The following DPYD variants were observed in gnomAD, a reference collection of about 807,000 sequenced individuals.
DPYD encodes dihydropyrimidine dehydrogenase [NADP(+)].
In DPYD, 109 loss-of-function variants were observed where a neutral mutation model predicts 116.2. That is an observed-to-expected ratio of 0.94 (90% confidence interval 0.80 to 1.10). The LOEUF (loss-of-function observed/expected upper bound fraction) is 1.10. Ranked by LOEUF, DPYD falls within the 50% of genes least tolerant of loss-of-function variation. The probability of loss-of-function intolerance (pLI) is 0.00; values close to 1 mark genes in which losing one functional copy is unlikely to be tolerated. For synonymous variants in DPYD, 440 were observed against 432.0 expected, an observed-to-expected ratio of 1.02 and a Z score of -0.23; for missense variants, 1,302 against 1,254.5, an observed-to-expected ratio of 1.04 and a Z score of -0.57.
intron 13 of DPYD, among the ~76,000 whole-genome samples, chr1:97,498,596 A>C (rs1422330227): frequency 1.3e-5 from 2 of 151,366 alleles, no homozygotes; most frequent in African/African-American, 4.8e-5. Flanking sequence ...TACAGAATTC[A>C]CTCTTGTGAT....
chr1:97,826,391 T>C (rs1288543945), intron 3 of DPYD, among the ~76,000 whole-genome samples: 1 of 140,914 alleles, frequency 7.1e-6, no homozygotes, highest in Non-Finnish European at 1.5e-5. Context: ...TCACATCATT[T>C]TTCATTCACA....
At chr1:97,760,970 G>A (rs541760354) in intron 3 of DPYD, among the ~76,000 whole-genome samples, 101 of 152,200 alleles carry the variant, frequency 6.6e-4, no homozygotes, top group African/African-American at 2.0e-3. Context: ...ATATAAAACC[G>A]TATGCCAAAG....
chr1:97,551,146 G>C (rs2102091154), intron 11 of DPYD, among the ~76,000 whole-genome samples: 1 of 152,208 alleles, frequency 6.6e-6, no homozygotes, highest in African/African-American at 2.4e-5. Flanking sequence ...TCATACTCAG[G>C]TTTTTATTTT....
intron 1 of DPYD, among the ~76,000 whole-genome samples, chr1:97,913,303 G>C (rs1300924452): frequency 6.6e-6 from 1 of 152,172 alleles, no homozygotes; most frequent in East Asian, 1.9e-4. Context: ...ATCCTACCAA[G>C]TATGTAAATC....
chr1:97,640,475 A>AT (rs1657825080), intron 8 of DPYD, among the ~76,000 whole-genome samples: 1 of 151,934 alleles, frequency 6.6e-6, no homozygotes, highest in South Asian at 2.1e-4. Flanking sequence ...TGACCAGCTA[A>AT]TTTTTGTATT....
intron 8 of DPYD, among the ~76,000 whole-genome samples, chr1:97,644,463 C>T (rs1182284179): frequency 2.6e-5 from 4 of 152,168 alleles, no homozygotes; most frequent in Middle Eastern, 3.4e-3. Flanking sequence ...GAGTCTCCAT[C>T]TATTGCCCTG....
chr1:97,193,094 GGAAC>G lies in DPYD; in HGVS notation c.2593_2596del (p.Val865HisfsTer3). On this transcript the variant is annotated frameshift_variant, in exon 20 of 23. Transcript: ENST00000370192. LOFTEE classifies it high-confidence loss of function. ...CTTGTCCATGAGTTCAGCTATACGT[GGAAC>G]TGGTTTCCCTTTCTGGTGACTCACA... 1 of 1,614,014 alleles carries G rather than the reference GGAAC, an allele frequency of 6.2e-7. No homozygotes were observed. Among genetic ancestry groups the G allele is most frequent in the Middle Eastern group, 1.7e-4 (1 of 6,058 alleles).
chr1:97,309,087 C>G (rs1248686537), intron 16 of DPYD, among the ~76,000 whole-genome samples: 1 of 151,736 alleles, frequency 6.6e-6, no homozygotes, highest in Non-Finnish European at 1.5e-5. Context: ...AAGAAAAACC[C>G]AGCTATATTT....
In DPYD at chr1:97,305,355, T is replaced by C; in HGVS notation, c.2203A>G (p.Thr735Ala). Reference protein sequence around the residue: ...KEGGANGVTATNTVSGLMGLK... With the variant: ...KEGGANGVTAANTVSGLMGLK... The stretch of plus-strand genomic sequence containing the variant: ...CCCATCAGACCTGAGACAGTGTTGG[T>C]GGCTGTAACGCCATTGGCACCACCT... The change falls in exon 18 of 23, where the codon ACC becomes GCC. Residue 735 changes from threonine to alanine, a missense_variant. Coordinates refer to ENST00000370192, the MANE Select transcript of DPYD (RefSeq NM_000110.4). The C allele has an allele frequency of 6.2e-7, 1 of 1,612,464 alleles. No homozygotes were observed. Among genetic ancestry groups the C allele is most frequent in the Non-Finnish European group, 8.5e-7 (1 of 1,178,906 alleles).
Position 97,531,971 on chromosome 1 carries a change from T to C in DPYD, c.1525-16030A>G, listed in dbSNP as rs181954101. On this transcript the variant is annotated intron_variant, in intron 12 of 22. Transcript: ENST00000370192. The stretch of plus-strand genomic sequence containing the variant: ...GCTTTTTGTATGTTGATTTGAATCC[T>C]GCAACTTTACTGAATTTGTTTATTA... Among the ~76,000 whole-genome samples the C allele has an allele frequency of 2.6e-5, 4 of 152,268 alleles. No homozygotes were observed. In the East Asian group the frequency reaches 7.7e-4, roughly 29 times the overall value.
intron 1 of DPYD, among the ~76,000 whole-genome samples, chr1:97,884,772 C>T (rs1276065159): frequency 2.0e-5 from 3 of 151,858 alleles, no homozygotes; most frequent in South Asian, 2.1e-4. Context: ...TGTTGAGTTG[C>T]GGGATTCCTG....
At chr1:97,651,916 A>G (rs1011364857) in intron 8 of DPYD, among the ~76,000 whole-genome samples, 1 of 152,168 alleles carries the variant, frequency 6.6e-6, no homozygotes, top group Non-Finnish European at 1.5e-5. Context: ...AGCTATTAAA[A>G]TCATTTCAGA....
At chr1:97,355,719 T>C (rs926804668) in intron 16 of DPYD, among the ~76,000 whole-genome samples, 2 of 152,200 alleles carry the variant, frequency 1.3e-5, no homozygotes, top group African/African-American at 4.8e-5. Context: ...CGTAACATGT[T>C]CTCTAGTTCC....
intron 20 of DPYD, among the ~76,000 whole-genome samples, chr1:97,173,151 C>T (rs1557911010): frequency 6.6e-6 from 1 of 151,300 alleles, no homozygotes; most frequent in East Asian, 2.0e-4. Context: ...TATATATACA[C>T]ATATGTACGT....
chr1:97,223,131 A>C (rs1660886325), intron 19 of DPYD, among the ~76,000 whole-genome samples: 1 of 152,090 alleles, frequency 6.6e-6, no homozygotes, highest in Non-Finnish European at 1.5e-5. Context: ...GTGCTGCTTC[A>C]ATTACTTCTT....
intron 20 of DPYD, among the ~76,000 whole-genome samples, chr1:97,191,569 T>C (rs964147674): frequency 6.6e-6 from 1 of 152,220 alleles, no homozygotes; most frequent in African/African-American, 2.4e-5. Flanking sequence ...ATTTATGTCA[T>C]TGACACAAGT....
intron 20 of DPYD, among the ~76,000 whole-genome samples, chr1:97,146,376 A>G (rs1056228329): frequency 5.9e-5 from 9 of 152,214 alleles, no homozygotes; most frequent in African/African-American, 1.9e-4. Flanking sequence ...CACAAAAAGC[A>G]AGACTGTCAG....
intron 18 of DPYD, among the ~76,000 whole-genome samples, chr1:97,255,796 C>T (rs946504735): frequency 2.9e-4 from 44 of 150,798 alleles, no homozygotes; most frequent in African/African-American, 9.3e-4. Flanking sequence ...CAGGATTTTA[C>T]CCCAAGCAGT....
At chr1:97,354,990 T>C (rs78891055) in intron 16 of DPYD, among the ~76,000 whole-genome samples, 7,016 of 152,284 alleles carry the variant, frequency 0.046, 220 homozygotes, top group Middle Eastern at 0.11. Context: ...TGTGATCCCA[T>C]GTGTAGAAAT....
Sources: allele counts gnomAD v4.1 joint callset (sites outside exome capture counted in the v4.1 genomes callset), GRCh38; gene constraint gnomAD v4.1.1; transcripts MANE v1.5; gene names NCBI Gene and HGNC (gene_info 2026-07-23, HGNC 2026-07-21).